MCCC1: variants seen among roughly 807,000 people sequenced by gnomAD.
MCCC1 encodes the protein methylcrotonyl-CoA carboxylase subunit 1.
A neutral mutation model predicts 83.8 loss-of-function variants in MCCC1; 64 were observed. The observed-to-expected ratio is 0.76, with a 90% CI of 0.62 to 0.94. The LOEUF (loss-of-function observed/expected upper bound fraction) is 0.94. Ranked by LOEUF, MCCC1 falls within the 40% of genes least tolerant of loss-of-function variation. The pLI, the probability that MCCC1 is intolerant of heterozygous loss-of-function variation, is 0.00. For missense variants in MCCC1, 807 were observed against 904.7 expected (o/e 0.89, Z 1.39); for synonymous variants, 322 against 315.4 (o/e 1.02, Z -0.22).
chr3:183,061,240 T>A (rs529240725), intron 7 of MCCC1, among the ~76,000 whole-genome samples: 9 of 152,248 alleles, frequency 5.9e-5, no homozygotes, highest in African/African-American at 2.2e-4. Flanking sequence ...TGCTGCGAAG[T>A]ATTTCTAAGT....
At chr3:183,099,498 C>T (rs578167348), upstream of MCCC1, 42 of 1,550,978 alleles carry the variant, frequency 2.7e-5, no homozygotes, top group African/African-American at 3.3e-4. Context: ...GCGTCCCACA[C>T]GCCAAACCCG....
upstream of MCCC1, among the ~76,000 whole-genome samples, chr3:183,101,046 T>C (rs930681271): frequency 6.6e-6 from 1 of 152,222 alleles, no homozygotes; most frequent in Admixed American, 6.5e-5. Context: ...CCCGGGCCAG[T>C]GGCTGCGGAG....
upstream of MCCC1, among the ~76,000 whole-genome samples, chr3:183,102,050 G>A (rs1184779277): frequency 6.6e-6 from 1 of 152,008 alleles, no homozygotes; most frequent in Non-Finnish European, 1.5e-5. Context: ...CACCGCGAGG[G>A]TGTGCAGCTT....
At chr3:183,067,842 G>A (rs1194199796) in intron 7 of MCCC1, among the ~76,000 whole-genome samples, 1 of 152,090 alleles carries the variant, frequency 6.6e-6, no homozygotes, top group Non-Finnish European at 1.5e-5. Context: ...ATATATTACT[G>A]TTATACTCTT....
At chr3:183,084,749 C>T (rs555465138) in intron 4 of MCCC1, among the ~76,000 whole-genome samples, 2 of 152,092 alleles carry the variant, frequency 1.3e-5, no homozygotes, top group Admixed American at 6.6e-5. Context: ...CAGGGAGGCT[C>T]CATCTCTACA....
intron 1 of MCCC1, among the ~76,000 whole-genome samples, chr3:183,096,609 C>T (rs897625905): frequency 1.3e-5 from 2 of 152,174 alleles, no homozygotes; most frequent in Admixed American, 6.5e-5. Context: ...GACATCTACA[C>T]ATCTATATGC....
chr3:183,045,612 A>T, intron 9 of MCCC1, 72 bp from the exon 10 acceptor site: 1 of 1,526,952 alleles, frequency 6.5e-7, no homozygotes, highest in Admixed American at 1.7e-5. Context: ...TCCATGATGC[A>T]TCACATCAAG....
intron 17 of MCCC1, among the ~76,000 whole-genome samples, chr3:183,018,471 G>C (rs1386053358): frequency 8.6e-6 from 1 of 116,176 alleles, no homozygotes; most frequent in Admixed American, 8.9e-5. Context: ...AGGCCTACAG[G>C]TCAAATGCAC....
At chr3:183,062,984 T>G (rs1266355236) in intron 7 of MCCC1, among the ~76,000 whole-genome samples, 1 of 152,060 alleles carries the variant, frequency 6.6e-6, no homozygotes, top group Admixed American at 6.6e-5. Flanking sequence ...TCCATTTTCC[T>G]ATTTACATTT....
chr3:183,072,588 A>G, intron 4 of MCCC1, 101 bp from the exon 5 acceptor site: 6 of 1,274,920 alleles, frequency 4.7e-6, no homozygotes, highest in Non-Finnish European at 6.8e-6. Context: ...CTCTCCCTAC[A>G]CTGGTAATAG....
intron 11 of MCCC1, among the ~76,000 whole-genome samples, chr3:183,041,044 G>GA (rs1366257640): frequency 6.6e-6 from 1 of 152,156 alleles, no homozygotes; most frequent in African/African-American, 2.4e-5. Context: ...AACACAAGTA[G>GA]AAAAATCACC....
chr3:183,041,707 G>C lies in MCCC1; in HGVS notation c.1127C>G (p.Thr376Ser). Reference sequence around the variant, plus strand: ...AGCTTCGAAGGCATGGCCCTGCAGAGTTATTTCTTCCTGGCTCAAAGGAAT... The same window carrying C: ...AGCTTCGAAGGCATGGCCCTGCAGACTTATTTCTTCCTGGCTCAAAGGAAT... ...EKIPLSQEEI[T>S]LQGHAFEARI... The change falls in exon 11 of 19, where the codon ACT becomes AGT. Residue 376 changes from threonine (T) to serine (S), a missense_variant. By Grantham distance (58) the Thr-to-Ser change is moderately conservative (BLOSUM62 1). Coordinates refer to ENST00000265594, the MANE Select transcript of MCCC1 (RefSeq NM_020166.5). 1 of 1,614,198 alleles carries C rather than the reference G, an allele frequency of 6.2e-7. No homozygotes were observed. The highest frequency in any genetic ancestry group is 1.1e-5 in the South Asian group (1 of 91,082).
chr3:183,083,729 A>T (rs1026010847), intron 4 of MCCC1, among the ~76,000 whole-genome samples: 1 of 152,208 alleles, frequency 6.6e-6, no homozygotes, highest in African/African-American at 2.4e-5. Flanking sequence ...ATGGTCATTA[A>T]AAAGAAAGTG....
chr3:183,099,105 G>A (rs992232374), intron 1 of MCCC1: 181 of 591,332 alleles, frequency 3.1e-4, no homozygotes, highest in Non-Finnish European at 3.3e-5. Context: ...CCTCAGAAAT[G>A]GAAAAACAGA....
At chr3:183,059,250 A>C (rs1324884280) in intron 7 of MCCC1, among the ~76,000 whole-genome samples, 1 of 152,230 alleles carries the variant, frequency 6.6e-6, no homozygotes, top group African/African-American at 2.4e-5. Context: ...CGGAGGCTGC[A>C]GTGGGCCGAG....
intron 15 of MCCC1, chr3:183,022,822 G>A (rs577353108): frequency 2.8e-4 from 83 of 298,578 alleles, no homozygotes; most frequent in African/African-American, 1.4e-3. Flanking sequence ...AAAGGTTCAC[G>A]TAAACATATA....
intron 4 of MCCC1, among the ~76,000 whole-genome samples, chr3:183,081,880 C>T (rs1717524471): frequency 6.6e-6 from 1 of 152,186 alleles, no homozygotes; most frequent in East Asian, 1.9e-4. Flanking sequence ...AGCCAGGACA[C>T]AGCTTGGCTT....
chr3:183,075,800 A>G (rs1717028445), intron 4 of MCCC1, among the ~76,000 whole-genome samples: 1 of 151,008 alleles, frequency 6.6e-6, no homozygotes, highest in Non-Finnish European at 1.5e-5. Flanking sequence ...TCGGCCTCCC[A>G]AAGTGTTGGA....
chr3:183,046,064 G>T (rs1269793598), intron 9 of MCCC1, among the ~76,000 whole-genome samples: 1 of 152,138 alleles, frequency 6.6e-6, no homozygotes, highest in East Asian at 1.9e-4. Context: ...ACTTTATTAA[G>T]GTTTAATTTT....
Sources: allele counts gnomAD v4.1 joint callset (sites outside exome capture counted in the v4.1 genomes callset), GRCh38; gene constraint gnomAD v4.1.1; transcripts MANE v1.5; gene names NCBI Gene and HGNC (gene_info 2026-07-23, HGNC 2026-07-21).